Variants in RAD50 observed in about 807,000 individuals in gnomAD.
RAD50 encodes RAD50 double strand break repair protein.
In RAD50, 132 loss-of-function variants were observed where a neutral mutation model predicts 168.8. The ratio of observed to expected loss-of-function variants is 0.78; its 90% CI spans 0.68 to 0.90. The LOEUF (loss-of-function observed/expected upper bound fraction) is 0.90. Among genes scored for constraint, RAD50 ranks in the 40% least tolerant of loss-of-function variants. The pLI is 0.00. For missense variants in RAD50, 1,347 were observed against 1,534.4 expected (o/e 0.88, Z 2.04); for synonymous variants, 525 against 497.4 (o/e 1.06, Z -0.74).
chr5:132,628,658 C>T (rs763610830), intron 21 of RAD50, among the ~76,000 whole-genome samples: 11 of 151,984 alleles, frequency 7.2e-5, no homozygotes, highest in Non-Finnish European at 1.3e-4. Flanking sequence ...CCAGCCTGAC[C>T]AACATGGGGA....
chr5:132,594,009 T>C (rs1476471506), intron 11 of RAD50, among the ~76,000 whole-genome samples: 1 of 152,192 alleles, frequency 6.6e-6, no homozygotes, highest in African/African-American at 2.4e-5. Flanking sequence ...AAGACTGTAC[T>C]TGGCACTTAG....
intron 19 of RAD50, among the ~76,000 whole-genome samples, chr5:132,613,482 C>T (rs116630553): frequency 0.023 from 3,479 of 151,810 alleles, 48 homozygotes; most frequent in Middle Eastern, 0.1. Flanking sequence ...TTGGAATTCT[C>T]ACTGCTTACA....
In RAD50 at chr5:132,603,998, C is replaced by T. The variant is rs1334882781; in HGVS notation, c.2476C>T (p.Gln826Ter). 1 of 1,613,600 alleles carries T rather than the reference C, an allele frequency of 6.2e-7. No homozygotes were observed. Among genetic ancestry groups the T allele is most frequent in the East Asian group, 2.2e-5 (1 of 44,842 alleles). Reference sequence around the variant, plus strand: ...AGGAATAGACTTAGATCGAACTGTCCAACAAGTCAACCAGGAGAAACAAGA... The same window carrying T: ...AGGAATAGACTTAGATCGAACTGTCTAACAAGTCAACCAGGAGAAACAAGA... ...LQGIDLDRTV[Q>*]QVNQEKQEKQ... Residue 826 changes from glutamine to a stop codon, truncating the protein, a stop_gained, in exon 15 of 25, where the codon CAA (glutamine) becomes TAA (stop). Coordinates refer to ENST00000378823, the MANE Select transcript of RAD50 (RefSeq NM_005732.4). LOFTEE classifies it high-confidence loss of function.
At chr5:132,615,810 C>T (rs1463046398) in intron 19 of RAD50, among the ~76,000 whole-genome samples, 193 bp from the exon 20 acceptor site, 2 of 152,172 alleles carry the variant, frequency 1.3e-5, no homozygotes, top group Non-Finnish European at 2.9e-5. Context: ...ACACTTGTCA[C>T]TGTGGATGGG....
In RAD50 at chr5:132,640,583, C is replaced by G; in HGVS notation, c.3619-89C>G. The G allele has an allele frequency of 3.2e-6, 5 of 1,575,858 alleles. No homozygotes were observed. The South Asian group carries it at 3.3e-5, about 10-fold the overall frequency. On this transcript the variant is annotated intron_variant, in intron 23 of 24. Transcript: ENST00000378823. Reference sequence around the variant, plus strand: ...TGAACCTGTGACGTTTCCCACTTTTCCCTGCTGAAAAGATCATGTCAGGAC... The same window carrying G: ...TGAACCTGTGACGTTTCCCACTTTTGCCTGCTGAAAAGATCATGTCAGGAC...
intron 21 of RAD50, among the ~76,000 whole-genome samples, chr5:132,627,840 A>T (rs1282117510): frequency 6.6e-6 from 1 of 152,156 alleles, no homozygotes; most frequent in Non-Finnish European, 1.5e-5. Context: ...GCAGAGACTG[A>T]TGAGGAGACT....
At chr5:132,621,166 A>C (rs1370659843) in intron 21 of RAD50, among the ~76,000 whole-genome samples, 1 of 152,196 alleles carries the variant, frequency 6.6e-6, no homozygotes, top group Non-Finnish European at 1.5e-5. Context: ...GTGGAGCACC[A>C]TTATCAGTAT....
At chr5:132,569,729 G>C (rs6867680) in intron 2 of RAD50, among the ~76,000 whole-genome samples, 2,289 of 152,186 alleles carry the variant, frequency 0.015, 69 homozygotes, top group African/African-American at 0.053. Flanking sequence ...CCAACATTCT[G>C]GACTGTAAAA....
intron 2 of RAD50, among the ~76,000 whole-genome samples, chr5:132,575,422 T>C (rs1431241720): frequency 6.6e-6 from 1 of 152,190 alleles, no homozygotes; most frequent in East Asian, 1.9e-4. Context: ...AAATTCAAGA[T>C]GAGATTTGGG....
At chr5:132,609,094 A>T (rs1561647342) in intron 17 of RAD50, 23 bp from the exon 18 acceptor site, 6 of 1,608,864 alleles carry the variant, frequency 3.7e-6, no homozygotes, top group Non-Finnish European at 5.1e-6. Context: ...ACCAGTGTAA[A>T]TTTAATGAAT....
chr5:132,599,998 G>C (rs1750860327), intron 13 of RAD50: 1 of 152,172 alleles, frequency 6.6e-6, no homozygotes, highest in Non-Finnish European at 1.5e-5. Context: ...GAAGGTTATT[G>C]GTGAAGAGGG....
chr5:132,604,467 G>C (rs1750945719), intron 15 of RAD50, among the ~76,000 whole-genome samples: 1 of 151,970 alleles, frequency 6.6e-6, no homozygotes, highest in Non-Finnish European at 1.5e-5. Context: ...GGGTTTCACT[G>C]TGTTTGTCAG....
At chr5:132,592,960 AT>A (rs1750730864) in intron 11 of RAD50, 3 of 461,094 alleles carry the variant, frequency 6.5e-6, no homozygotes, top group Non-Finnish European at 1.4e-5. Flanking sequence ...ACCTGAATCA[AT>A]TGAGGTGTCT....
intron 2 of RAD50, among the ~76,000 whole-genome samples, chr5:132,575,145 CT>C (rs1348797462): frequency 1.3e-5 from 2 of 152,174 alleles, no homozygotes; most frequent in Non-Finnish European, 2.9e-5. Context: ...AAAGATATAC[CT>C]GAGACTGGAC....
At chr5:132,563,720 G>A (rs1173425372) in intron 2 of RAD50, among the ~76,000 whole-genome samples, 1 of 152,142 alleles carries the variant, frequency 6.6e-6, no homozygotes, top group East Asian at 1.9e-4. Flanking sequence ...GAGAAGCAAG[G>A]AATTGAGTAC....
chr5:132,618,443 A>G (rs1029572195), intron 21 of RAD50, 149 bp downstream of exon 21: 1 of 1,408,664 alleles, frequency 7.1e-7, no homozygotes, highest in African/African-American at 1.4e-5. Flanking sequence ...CAATGGCACG[A>G]TCTCAGCTCA....
chr5:132,644,522 T>G lies in RAD50; in HGVS notation c.*2158T>G, dbSNP rs1161784592. On this transcript the variant is annotated 3_prime_UTR_variant, in exon 25 of 25. Transcript: ENST00000378823. Reference sequence around the variant, plus strand: ...TAAAATGGTACATATTTTGTAGGGTTGTTATGAAGATTGAATGACATTATT... The same window carrying G: ...TAAAATGGTACATATTTTGTAGGGTGGTTATGAAGATTGAATGACATTATT... The G allele has an allele frequency of 5.5e-6, 1 of 181,156 alleles. No homozygotes were observed. Among genetic ancestry groups the G allele is most frequent in the Non-Finnish European group, 1.2e-5 (1 of 84,892 alleles). 11.2% of individuals were successfully genotyped at this position (181,156 alleles called of 1,614,324 possible).
intron 21 of RAD50, among the ~76,000 whole-genome samples, chr5:132,631,204 TCC>T (rs1751458760): frequency 7.0e-6 from 1 of 143,878 alleles, no homozygotes; most frequent in Admixed American, 7.2e-5. Flanking sequence ...CACTGTAACC[TCC>T]ACCTCCCAGG....
At position 132,594,821 on chromosome 5, in the gene RAD50, T is replaced by G. The variant is rs760374550; in HGVS notation, c.1794-48T>G. The G allele has an allele frequency of 1.9e-6, 3 of 1,547,414 alleles. No homozygotes were observed. The South Asian group carries it at 3.4e-5, about 18-fold the overall frequency. On this transcript the variant is annotated intron_variant, in intron 11 of 24. Transcript: ENST00000378823. ...TTTTTGCCTACTCAAATTTTCAAAC[T>G]AATTTCTCCTATTTTAAAATGAAAA...
Sources: gnomAD v4.1 joint callset for allele counts (sites outside exome capture counted in the v4.1 genomes callset) on GRCh38, gnomAD v4.1.1 for gene constraint, MANE v1.5 for transcripts, NCBI Gene and HGNC (gene_info 2026-07-23, HGNC 2026-07-21) for gene names.